The following ZNF487 variants were observed in gnomAD, a reference collection of about 807,000 sequenced individuals.
The protein encoded by ZNF487 is KRAB domain only 1.
In ZNF487, 4 loss-of-function variants were observed where a neutral mutation model predicts 3.0. The observed-to-expected ratio is 1.35, with a 90% confidence interval of 0.66 to 3.08. The LOEUF (loss-of-function observed/expected upper bound fraction) is 3.08. ZNF487 is among the 30% of genes most tolerant of loss of function. The pLI is 0.01. For missense variants in ZNF487, 146 were observed against 98.7 expected (o/e 1.48, Z -2.03); for synonymous variants, 55 against 34.6 (o/e 1.59, Z -2.06).
At chr10:43,451,091 CATGTGCCA>C (rs1267649730) in intron 1 of ZNF487, among the ~76,000 whole-genome samples, 1 of 151,686 alleles carries the variant, frequency 6.6e-6, no homozygotes, top group Non-Finnish European at 1.5e-5. Flanking sequence ...GGATTACAGG[CATGTGCCA>C]CCACGCCCAG....
At chr10:43,468,094 A>C (rs1284104889) in intron 1 of ZNF487, among the ~76,000 whole-genome samples, 1 of 152,202 alleles carries the variant, frequency 6.6e-6, no homozygotes, top group African/African-American at 2.4e-5. Context: ...CATAACTAGA[A>C]TTAGAAGTGG....
At chr10:43,499,764 AAAAG>A in the ZNF487 span, among the ~76,000 whole-genome samples, 943 of 152,288 alleles carry the variant, frequency 6.2e-3, 3 homozygotes, top group Non-Finnish European at 0.01. Context: ...AAAAAAAAGA[AAAAG>A]AAAAAAATTG....
At chr10:43,443,853 A>G (rs985320723) in intron 1 of ZNF487, among the ~76,000 whole-genome samples, 3 of 135,990 alleles carry the variant, frequency 2.2e-5, no homozygotes, top group Non-Finnish European at 4.8e-5. Flanking sequence ...TATTGCTTGA[A>G]TTTTTTTTTT....
chr10:43,497,433 A>G, the ZNF487 span, among the ~76,000 whole-genome samples: 1 of 152,192 alleles, frequency 6.6e-6, no homozygotes, highest in Non-Finnish European at 1.5e-5. Context: ...AAGTGACAGG[A>G]TCTGACTCAC....
At chr10:43,509,119 A>T in the ZNF487 span, among the ~76,000 whole-genome samples, 2 of 151,398 alleles carry the variant, frequency 1.3e-5, no homozygotes, top group African/African-American at 4.9e-5. Context: ...ACTTGAACAC[A>T]GGAGGTGGAG....
chr10:43,484,161 A>G (rs539269584), downstream of ZNF487, among the ~76,000 whole-genome samples: 307 of 151,988 alleles, frequency 2.0e-3, no homozygotes, highest in Non-Finnish European at 3.4e-3. Context: ...GAGCCACCAC[A>G]CCCGGCCTTT....
chr10:43,483,731 T>G (rs956087728), downstream of ZNF487, among the ~76,000 whole-genome samples: 1 of 152,230 alleles, frequency 6.6e-6, no homozygotes, highest in Non-Finnish European at 1.5e-5. Context: ...TTTCACTATG[T>G]TGGCCAGGGT....
At chr10:43,515,496 A>G in the ZNF487 span, among the ~76,000 whole-genome samples, 3 of 152,066 alleles carry the variant, frequency 2.0e-5, no homozygotes, top group Non-Finnish European at 4.4e-5. Context: ...GAGTTTACAA[A>G]CTCAGTGTCC....
intron 1 of ZNF487, among the ~76,000 whole-genome samples, chr10:43,447,898 G>GT (rs1256553211): frequency 6.6e-6 from 1 of 151,850 alleles, no homozygotes. Flanking sequence ...AAGTCAGTTA[G>GT]CTGGGGCACT....
At chr10:43,464,875 A>T (rs1794827916) in intron 1 of ZNF487, among the ~76,000 whole-genome samples, 1 of 152,058 alleles carries the variant, frequency 6.6e-6, no homozygotes, top group South Asian at 2.1e-4. Flanking sequence ...GTTCTTAATG[A>T]GCTGTTGGGT....
intron 1 of ZNF487, among the ~76,000 whole-genome samples, chr10:43,470,721 G>A (rs748319755): frequency 1.6e-4 from 24 of 152,128 alleles, no homozygotes; most frequent in Non-Finnish European, 2.9e-4. Context: ...GATTTGCCAT[G>A]TTGCCCAGGC....
chr10:43,479,984 C>CTTCTTTCT (rs71533064), intron 3 of ZNF487, among the ~76,000 whole-genome samples: 2,950 of 57,398 alleles, frequency 0.051, 60 homozygotes, highest in Non-Finnish European at 0.086. Flanking sequence ...TCTTTCTTTC[C>CTTCTTTCT]TTCTTTCTTT....
chr10:43,470,046 C>T (rs1175344354), intron 1 of ZNF487, among the ~76,000 whole-genome samples: 2 of 152,088 alleles, frequency 1.3e-5, no homozygotes, highest in East Asian at 3.9e-4. Flanking sequence ...ATAACTTTCA[C>T]ATGCATGGGA....
the ZNF487 span, among the ~76,000 whole-genome samples, chr10:43,506,952 A>C: frequency 6.6e-6 from 1 of 152,318 alleles, no homozygotes; most frequent in East Asian, 1.9e-4. Context: ...AACTGGCTCC[A>C]TGATACAGCA....
intron 1 of ZNF487, among the ~76,000 whole-genome samples, chr10:43,450,161 A>T (rs1418890487): frequency 6.6e-6 from 1 of 152,112 alleles, no homozygotes; most frequent in Non-Finnish European, 1.5e-5. Flanking sequence ...CTCCTGCATC[A>T]GCCTCCCGAG....
Position 43,482,498 on chromosome 10 carries a change from ATG to A in ZNF487, c.*578_*579del, listed in dbSNP as rs1167354221. 1 of 474,766 alleles carries A rather than the reference ATG, an allele frequency of 2.1e-6. No homozygotes were observed. The highest frequency in any genetic ancestry group is 6.6e-5 in the East Asian group (1 of 15,104). The allele number at this position is 474,766 out of a possible 1,614,324, so 29.4% of individuals were successfully genotyped here. A position where few individuals can be genotyped will look rare whatever the true frequency, so the allele number is the denominator to read the frequency against. The stretch of plus-strand genomic sequence containing the variant: ...AACACACACGGGACAAAACCTATGA[ATG>A]TAATGAATGTGGAAAAAACTTCTGT... On this transcript the variant is annotated 3_prime_UTR_variant, in exon 4 of 4. Coordinates refer to ENST00000437590, the MANE Select transcript of ZNF487 (RefSeq NM_001355444.3).
the ZNF487 span, among the ~76,000 whole-genome samples, chr10:43,510,528 G>A: frequency 1.3e-5 from 2 of 152,060 alleles, no homozygotes; most frequent in Non-Finnish European, 2.9e-5. Flanking sequence ...ACCATCCCAG[G>A]CAACACTGTA....
chr10:43,463,976 A>G (rs1840542523), intron 1 of ZNF487, among the ~76,000 whole-genome samples: 1 of 151,794 alleles, frequency 6.6e-6, no homozygotes, highest in South Asian at 2.1e-4. Flanking sequence ...AGACACAACA[A>G]TATTGAAATT....
chr10:43,445,908 C>CTGT (rs959702264), intron 1 of ZNF487, among the ~76,000 whole-genome samples: 3 of 152,160 alleles, frequency 2.0e-5, no homozygotes, highest in African/African-American at 4.8e-5. Context: ...CTTCAAGCAT[C>CTGT]TGTTTAACAA....
Sources: gnomAD v4.1 joint callset for allele counts (sites outside exome capture counted in the v4.1 genomes callset) on GRCh38, gnomAD v4.1.1 for gene constraint, MANE v1.5 for transcripts, NCBI Gene and HGNC (gene_info 2026-07-23, HGNC 2026-07-21) for gene names.